Variants in ZCWPW1 observed in about 807,000 individuals in gnomAD.
The protein encoded by ZCWPW1 is zinc finger CW-type PWWP domain protein 1.
In ZCWPW1, 56 loss-of-function variants were observed where a neutral mutation model predicts 81.3. That is an observed-to-expected ratio of 0.69 (90% CI 0.56 to 0.86). ZCWPW1 has a LOEUF of 0.86. ZCWPW1 is among the 40% of genes least tolerant of loss of function. The probability of loss-of-function intolerance (pLI) is 0.00; values close to 1 mark genes in which losing one functional copy is unlikely to be tolerated. For synonymous variants in ZCWPW1, 250 were observed against 273.7 expected (o/e 0.91, Z 0.86); for missense variants, 650 against 769.8 (o/e 0.84, Z 1.84).
In ZCWPW1 at chr7:100,417,152, A is replaced by G; in HGVS notation, c.393T>C (p.Thr131=). 1 of 1,613,902 alleles carries G rather than the reference A, an allele frequency of 6.2e-7. No individual in the cohort carries two copies. The highest frequency in any genetic ancestry group is 1.3e-5 in the African/African-American group (1 of 75,000). Residue 131 remains threonine (T), a synonymous_variant, in exon 6 of 18, where the codon ACT becomes ACC. Coordinates refer to ENST00000684423, the MANE Select transcript of ZCWPW1 (RefSeq NM_001386010.1). ...GMGSGLDFAE[T]SCAQPVVSTQ... ...TAGATACTACGGGCTGGGCACAAGA[A>G]GTCTCTGCAAAATCAAGGCCAGATC... is the stretch of plus-strand genomic sequence containing the variant.
At chr7:100,426,215 C>T (rs67163493) in intron 1 of ZCWPW1, among the ~76,000 whole-genome samples, 26,026 of 152,162 alleles carry the variant, frequency 0.17, 2,362 homozygotes, top group Middle Eastern at 0.2. Flanking sequence ...ATATTTCAGC[C>T]GGGCGCAGTG....
At chr7:100,417,709 C>A (rs1046951862) in intron 5 of ZCWPW1, among the ~76,000 whole-genome samples, 2 of 150,034 alleles carry the variant, frequency 1.3e-5, no homozygotes, top group African/African-American at 4.9e-5. Flanking sequence ...CAGAGTGAGA[C>A]TCCATCTAAA....
At chr7:100,406,271 G>A (rs1322007004) in intron 12 of ZCWPW1, among the ~76,000 whole-genome samples, 1 of 152,132 alleles carries the variant, frequency 6.6e-6, no homozygotes, top group Non-Finnish European at 1.5e-5. Context: ...GGGTGGAGGT[G>A]GGGGCTGCTG....
At chr7:100,418,429 T>G (rs1795750892) in intron 5 of ZCWPW1, among the ~76,000 whole-genome samples, 1 of 152,122 alleles carries the variant, frequency 6.6e-6, no homozygotes, top group Admixed American at 6.6e-5. Context: ...AATGGGAGAA[T>G]CGTTTGCAGC....
chr7:100,406,919 C>T, intron 11 of ZCWPW1, 121 bp from the exon 12 acceptor site: 1 of 845,280 alleles, frequency 1.2e-6, no homozygotes, highest in South Asian at 1.7e-5. Context: ...TCACATACTC[C>T]TTTCAAAGCC....
intron 2 of ZCWPW1, among the ~76,000 whole-genome samples, chr7:100,423,359 G>A (rs28490152): frequency 0.21 from 32,288 of 152,008 alleles, 3,714 homozygotes; most frequent in African/African-American, 0.29. Flanking sequence ...CAAAAGCGAC[G>A]TAAAATGGAT....
chr7:100,401,834 G>T, intron 17 of ZCWPW1, 55 bp downstream of exon 17: 1 of 1,540,826 alleles, frequency 6.5e-7, no homozygotes, highest in South Asian at 1.3e-5. Context: ...TCAGGGAGGG[G>T]AGATGCTGAC....
intron 13 of ZCWPW1, among the ~76,000 whole-genome samples, 167 bp from the exon 14 acceptor site, chr7:100,404,411 A>G (rs2130403191): frequency 6.6e-6 from 1 of 152,266 alleles, no homozygotes; most frequent in African/African-American, 2.4e-5. Flanking sequence ...CCCAGGCTGG[A>G]GTGCAGTGGT....
intron 5 of ZCWPW1, among the ~76,000 whole-genome samples, chr7:100,417,734 T>C (rs982354518): frequency 2.6e-5 from 4 of 151,726 alleles, no homozygotes; most frequent in African/African-American, 9.7e-5. Context: ...AAAAAAATTA[T>C]ATGTACTGTA....
At chr7:100,407,727 T>C (rs1237902676) in intron 10 of ZCWPW1, among the ~76,000 whole-genome samples, 1 of 151,984 alleles carries the variant, frequency 6.6e-6, no homozygotes, top group Non-Finnish European at 1.5e-5. Context: ...ATCCAAAAAA[T>C]AGATTCCCCT....
At position 100,403,772 on chromosome 7, in the gene ZCWPW1, A is replaced by G; in HGVS notation, c.1335T>C (p.Ser445=). 3 of 1,614,068 alleles carry G rather than the reference A, an allele frequency of 1.9e-6. No homozygotes were observed. Among genetic ancestry groups the G allele is most frequent in the Non-Finnish European group, 2.5e-6 (3 of 1,179,976 alleles). Residue 445 remains serine (S), a synonymous_variant, in exon 15 of 18, where the codon TCT becomes TCC. Transcript: ENST00000684423. ...AGCAGGATCCTGGGCTGTTCAAACC[A>G]GAGAGCTGTAAGTCTAGAACAGGAA... The part of the protein sequence containing the change: ...SNGERKDLQL[S]GLNSPGSCLE...
At chr7:100,415,920 C>G in intron 8 of ZCWPW1, 55 bp downstream of exon 8, 1 of 1,610,716 alleles carries the variant, frequency 6.2e-7, no homozygotes, top group Non-Finnish European at 8.5e-7. Context: ...CCCTGCCTCT[C>G]TGCTCTATTT....
Position 100,404,233 on chromosome 7 carries a change from G to C in ZCWPW1, c.1266C>G (p.Asn422Lys), listed in dbSNP as rs1374523922. ...TGAATCGGCTCCAGAAACCAAACAA[G>C]TTAACCCGTTCCTAAGGGAACCAAG... ...AEQISIQERV[N>K]LFGFWSRFNG... is the part of the protein sequence containing the mutation. The change falls in exon 14 of 18, where the codon AAC (asparagine) becomes AAG (lysine). Residue 422 changes from asparagine to lysine, a missense_variant. Transcript: ENST00000684423. The C allele has an allele frequency of 6.2e-7, 1 of 1,614,002 alleles. No homozygotes were observed. The highest frequency in any genetic ancestry group is 1.1e-5 in the South Asian group (1 of 91,078).
Position 100,425,079 on chromosome 7 carries a change from G to A in ZCWPW1, c.-79C>T, listed in dbSNP as rs920337901. On this transcript the variant is annotated 5_prime_UTR_variant, in exon 2 of 18. Coordinates refer to ENST00000684423, the MANE Select transcript of ZCWPW1 (RefSeq NM_001386010.1). The stretch of plus-strand genomic sequence containing the variant: ...AGGAAGTCACTTTCTGATAACTCAG[G>A]TTGCCCCTCCTCTGTTTCAGGTGAA... 6 of 152,292 alleles carry A rather than the reference G, an allele frequency of 3.9e-5. No homozygotes were observed. In the Middle Eastern group the frequency reaches 0.01, roughly 259 times the overall value. The allele number at this position is 152,292 out of a possible 1,614,324, so 9.4% of individuals were successfully genotyped here.
chr7:100,419,900 C>G lies in ZCWPW1; in HGVS notation c.29-17G>C, dbSNP rs777722796. On this transcript the variant is annotated splice_polypyrimidine_tract_variant and intron_variant, in intron 3 of 17. Transcript: ENST00000684423. ...TTCCACATTCTGAAAGAAATGTGAT[C>G]AAGTGGAATTTATGAAACATACAGT... 2 of 1,542,800 alleles carry G rather than the reference C, an allele frequency of 1.3e-6. No homozygotes were observed. The highest frequency in any genetic ancestry group is 1.7e-6 in the Non-Finnish European group (2 of 1,144,546).
chr7:100,410,620 C>T (rs542452350), intron 8 of ZCWPW1, among the ~76,000 whole-genome samples: 1 of 152,130 alleles, frequency 6.6e-6, no homozygotes, highest in Non-Finnish European at 1.5e-5. Flanking sequence ...TCATACAGCA[C>T]CCCATTATTT....
intron 17 of ZCWPW1, 81 bp from the exon 18 acceptor site, chr7:100,401,417 T>C: frequency 8.2e-7 from 1 of 1,220,314 alleles, no homozygotes; most frequent in South Asian, 1.7e-5. Flanking sequence ...CCTAAATCTC[T>C]ATTTCCAAGA....
chr7:100,402,982 G>A (rs1168262731), intron 15 of ZCWPW1, among the ~76,000 whole-genome samples: 2 of 152,154 alleles, frequency 1.3e-5, no homozygotes, highest in African/African-American at 4.8e-5. Context: ...ATTGCTCCCT[G>A]AGGAGTCAAA....
At chr7:100,416,152 G>T in intron 7 of ZCWPW1, 55 bp from the exon 8 acceptor site, 1 of 1,608,064 alleles carries the variant, frequency 6.2e-7, no homozygotes. Context: ...AATCTTTGTA[G>T]ATAGTAAAGG....
Sources: gnomAD v4.1 joint callset for allele counts (sites outside exome capture counted in the v4.1 genomes callset) on GRCh38, gnomAD v4.1.1 for gene constraint, MANE v1.5 for transcripts, NCBI Gene and HGNC (gene_info 2026-07-23, HGNC 2026-07-21) for gene names.